The following FANCA variants were observed in gnomAD, a reference collection of about 807,000 sequenced individuals.
FANCA encodes the protein Fanconi anemia group A protein.
Under a neutral mutation model 194.3 loss-of-function variants are expected in FANCA, and 236 were observed. The observed-to-expected ratio is 1.21, with a 90% CI of 1.09 to 1.35. The LOEUF (loss-of-function observed/expected upper bound fraction) is 1.35, where lower values mean the gene tolerates loss of function less well. Ranked by LOEUF, FANCA falls within the 40% of genes most tolerant of loss-of-function variation. FANCA has a pLI of 0.00. For missense variants in FANCA, 2,628 were observed against 1,813.9 expected, an observed-to-expected ratio of 1.45 and a Z score of -8.15; for synonymous variants, 1,014 against 715.8, an observed-to-expected ratio of 1.42 and a Z score of -6.65.
At chr16:89,761,828 G>T in intron 29 of FANCA, 121 bp downstream of exon 29, 1 of 800,814 alleles carries the variant, frequency 1.2e-6, no homozygotes, top group Non-Finnish European at 2.2e-6. Context: ...GTTTCCCCAT[G>T]TTGCCCAGGC....
intron 6 of FANCA, among the ~76,000 whole-genome samples, 171 bp downstream of exon 6, chr16:89,808,123 G>C (rs1038209061): frequency 3.3e-5 from 5 of 151,830 alleles, no homozygotes; most frequent in Non-Finnish European, 7.4e-5. Flanking sequence ...AAATAATAAA[G>C]CAATAGTTCC....
intron 29 of FANCA, among the ~76,000 whole-genome samples, chr16:89,760,092 A>G (rs1301451291): frequency 6.6e-6 from 1 of 152,250 alleles, no homozygotes; most frequent in African/African-American, 2.4e-5. Context: ...TAATTCAGAA[A>G]AGAAAGAAAA....
At position 89,791,875 on chromosome 16, in the gene FANCA, C is replaced by A. The variant is rs575429785; in HGVS notation, c.1225+52G>T. The A allele has an allele frequency of 3.7e-6, 6 of 1,609,510 alleles. No individual in the cohort carries two copies. In the Admixed American group the frequency reaches 6.7e-5, roughly 18 times the overall value. On this transcript the variant is annotated intron_variant, in intron 13 of 42. Transcript: ENST00000389301. ...ACAGTCAGCTGGGACTCTGCTGACA[C>A]CCCCCTACACACACTCTTGACCAGC...
chr16:89,750,089 G>A (rs1259630770), intron 31 of FANCA, among the ~76,000 whole-genome samples, 187 bp from the exon 32 acceptor site: 1 of 152,244 alleles, frequency 6.6e-6, no homozygotes, highest in Non-Finnish European at 1.5e-5. Flanking sequence ...CAGGCCGGGT[G>A]CTGTGGCTCA....
At chr16:89,812,152 G>C (rs1001433801) in intron 3 of FANCA, among the ~76,000 whole-genome samples, 1 of 149,118 alleles carries the variant, frequency 6.7e-6, no homozygotes, top group Non-Finnish European at 1.5e-5. Context: ...TGGCTAACAC[G>C]GTGAAACCCT....
Position 89,748,761 on chromosome 16 carries a change from G to C in FANCA, c.3246C>G (p.Leu1082=), listed in dbSNP as rs753864057. 1 of 1,613,816 alleles carries C rather than the reference G, an allele frequency of 6.2e-7. No individual in the cohort carries two copies. Among genetic ancestry groups the C allele is most frequent in the African/African-American group, 1.3e-5 (1 of 75,068 alleles). Residue 1082 remains leucine (L), a synonymous_variant, in exon 33 of 43, where the codon CTC becomes CTG. Transcript: ENST00000389301. ...QRELLMYKRI[L]LRLPSSVLCG... ...AGAGGACAGACGAAGGCAGGCGGAG[G>C]AGGATCCTGGAAAGAAGGGGCTGTA...
At position 89,746,679 on chromosome 16, in the gene FANCA, T is replaced by A. The variant is rs774278686; in HGVS notation, c.3418A>T (p.Asn1140Tyr). Reference sequence around the variant, plus strand: ...GGGTCTCTGCTCCGCAGACAGGCGTTCAGGAGGCCCTGCAGGAGAGAACGC... The same window carrying A: ...GGGTCTCTGCTCCGCAGACAGGCGTACAGGAGGCCCTGCAGGAGAGAACGC... ...ITAHFFRGLL[N>Y]ACLRSRDPSL... Residue 1140 changes from asparagine (N) to tyrosine (Y), a missense_variant, in exon 35 of 43, where the codon AAC (asparagine) becomes TAC (tyrosine). Physicochemically the swap from Asn to Tyr is moderately radical, Grantham distance 143. Coordinates refer to ENST00000389301, the MANE Select transcript of FANCA (RefSeq NM_000135.4). 6.2e-7 allele frequency: 1 copy of A among 1,614,082 alleles called. No homozygotes were observed. The highest frequency in any genetic ancestry group is 2.2e-5 in the East Asian group (1 of 44,872).
chr16:89,791,191 G>A (rs547787495), intron 14 of FANCA: 7 of 638,982 alleles, frequency 1.1e-5, no homozygotes, highest in Admixed American at 5.1e-5. Context: ...CAGGCTCCTC[G>A]GAACATGCAG....
chr16:89,763,056 G>A (rs561477152), intron 28 of FANCA, among the ~76,000 whole-genome samples: 6 of 151,362 alleles, frequency 4.0e-5, no homozygotes, highest in African/African-American at 1.5e-4. Flanking sequence ...GACCATCCTG[G>A]CTAACACAGT....
chr16:89,744,447 G>A (rs1243685233), intron 36 of FANCA, among the ~76,000 whole-genome samples: 1 of 152,146 alleles, frequency 6.6e-6, no homozygotes, highest in Admixed American at 6.6e-5. Context: ...GCAAGGACCC[G>A]TGAATATCTG....
Position 89,773,308 on chromosome 16 carries a change from C to G in FANCA, c.1977G>C (p.Glu659Asp), listed in dbSNP as rs374452855. ...TGGGGTCTGTCATGGAGGCTCTCAG[C>G]TCTCCCAGTGCAGCTGTGAGCTGTC... is the stretch of plus-strand genomic sequence containing the variant. The part of the protein sequence containing the change: ...PLGQLTAALG[E>D]LRASMTDPSQ... The change falls in exon 22 of 43, where the codon GAG becomes GAC. Residue 659 changes from glutamate to aspartate, a missense_variant. Transcript: ENST00000389301. The G allele has an allele frequency of 1.3e-6, 2 of 1,551,372 alleles. No individual in the cohort carries two copies. Among genetic ancestry groups the G allele is most frequent in the African/African-American group, 1.4e-5 (1 of 73,032 alleles).
chr16:89,744,227 C>A (rs556778232), intron 36 of FANCA, among the ~76,000 whole-genome samples: 1 of 152,296 alleles, frequency 6.6e-6, no homozygotes, highest in African/African-American at 2.4e-5. Context: ...CGGCGAGCAG[C>A]CAAACCCTGA....
intron 7 of FANCA, 91 bp downstream of exon 7, chr16:89,805,189 G>T: frequency 1.0e-6 from 1 of 979,376 alleles, no homozygotes; most frequent in Non-Finnish European, 1.6e-6. Context: ...GAGACAGGCT[G>T]TTCTGCCTCG....
Position 89,810,743 on chromosome 16 carries a change from G to A in FANCA, c.486C>T (p.Ser162=), listed in dbSNP as rs2040845636. 5 of 1,612,854 alleles carry A rather than the reference G, an allele frequency of 3.1e-6. No homozygotes were observed. Among genetic ancestry groups the A allele is most frequent in the African/African-American group, 1.3e-5 (1 of 74,894 alleles). Residue 162 remains serine (S), a synonymous_variant, in exon 5 of 43, where the codon TCC becomes TCT. Coordinates refer to ENST00000389301, the MANE Select transcript of FANCA (RefSeq NM_000135.4). ...AQYLLAHSMF[S]RLSFCQELWK... ...ATAATTCTTGACAGAAGGAAAGACG[G>A]GAGAACATACTGTGTGCCAATAAAT...
Position 89,746,586 on chromosome 16 carries a change from G to A in FANCA, c.3511C>T (p.Leu1171=). 3.7e-6 allele frequency: 6 copies of A among 1,613,610 alleles called. No homozygotes were observed. The highest frequency in any genetic ancestry group is 5.1e-6 in the Non-Finnish European group (6 of 1,179,564). Residue 1171 remains leucine, a splice_region_variant and synonymous_variant, in exon 35 of 43, where the codon CTG becomes TTG. Transcript: ENST00000389301. The part of the protein sequence containing the change: ...TKCPLILTSA[L]VWWPSLEPVL... Reference sequence around the variant, plus strand: ...ACCAAACAAGACAGCTGACCCACCAGAGCAGAGGTCAAAATTAAGGGGCAT... The same window carrying A: ...ACCAAACAAGACAGCTGACCCACCAAAGCAGAGGTCAAAATTAAGGGGCAT...
intron 10 of FANCA, 107 bp downstream of exon 10, chr16:89,799,059 C>T (rs2143579951): frequency 1.2e-6 from 2 of 1,614,262 alleles, no homozygotes; most frequent in Middle Eastern, 1.6e-4. Context: ...GAAGTGTGCT[C>T]AGGAGCGGGC....
rs1196789540 is a variant in FANCA, at chr16:89,770,006, G to C, written c.2335C>G (p.Pro779Ala). Reference sequence around the variant, plus strand: ...AGGGCAGCCAACCCCAGCACATGTGGGGCACTCAGGCTCGGGCCCTGCAAC... The same window carrying C: ...AGGGCAGCCAACCCCAGCACATGTGCGGCACTCAGGCTCGGGCCCTGCAAC... ...LRHQGPSLSA[P>A]HVLGLAALAV... The change falls in exon 26 of 43, where the codon CCA (proline) becomes GCA (alanine). Residue 779 changes from proline (P) to alanine (A), a missense_variant. Coordinates refer to ENST00000389301, the MANE Select transcript of FANCA (RefSeq NM_000135.4). The C allele has an allele frequency of 1.9e-6, 3 of 1,613,624 alleles. No homozygotes were observed. The highest frequency in any genetic ancestry group is 1.3e-5 in the African/African-American group (1 of 74,924).
At chr16:89,809,847 C>G (rs1598187919) in intron 5 of FANCA, among the ~76,000 whole-genome samples, 1 of 149,044 alleles carries the variant, frequency 6.7e-6, no homozygotes, top group East Asian at 2.0e-4. Context: ...GAGCAAAACT[C>G]CATCTCAAAA....
At chr16:89,814,436 A>C in intron 3 of FANCA, 84 bp downstream of exon 3, 1 of 1,083,376 alleles carries the variant, frequency 9.2e-7, no homozygotes, top group Admixed American at 2.0e-5. Context: ...GAAAATTTAC[A>C]TTTCTACTTA....
Sources: allele counts gnomAD v4.1 joint callset (sites outside exome capture counted in the v4.1 genomes callset), GRCh38; gene constraint gnomAD v4.1.1; transcripts MANE v1.5; gene names NCBI Gene and HGNC (gene_info 2026-07-23, HGNC 2026-07-21).